Variants in CADM2 observed in about 807,000 individuals in gnomAD.
CADM2 encodes the protein immunoglobulin superfamily member 4D.
Under a neutral mutation model 49.8 loss-of-function variants are expected in CADM2, and 12 were observed. The ratio of observed to expected loss-of-function variants is 0.24; its 90% CI spans 0.15 to 0.39. The LOEUF (loss-of-function observed/expected upper bound fraction) is 0.39, where lower values mean the gene tolerates loss of function less well. Ranked by LOEUF, CADM2 falls within the 10% of genes least tolerant of loss-of-function variation. The probability of loss-of-function intolerance (pLI) is 1.00; values close to 1 mark genes in which losing one functional copy is unlikely to be tolerated. For synonymous variants in CADM2, 214 were observed against 175.4 expected, an observed-to-expected ratio of 1.22 and a Z score of -1.74; for missense variants, 378 against 492.3, an observed-to-expected ratio of 0.77 and a Z score of 2.20.
At chr3:85,177,018 G>T (rs1489280067) in intron 1 of CADM2, among the ~76,000 whole-genome samples, 1 of 152,122 alleles carries the variant, frequency 6.6e-6, no homozygotes, top group African/African-American at 2.4e-5. Flanking sequence ...TACATCGTCA[G>T]GATGTTATGA....
Position 85,444,896 on chromosome 3 carries a change from C to A in CADM2, c.62-281626C>A, listed in dbSNP as rs1307299487. Among the ~76,000 whole-genome samples, 3 of 152,158 alleles carry A rather than the reference C, an allele frequency of 2.0e-5. No individual in the cohort carries two copies. In the South Asian group the frequency reaches 6.2e-4, roughly 32 times the overall value. On this transcript the variant is annotated intron_variant, in intron 1 of 9. Transcript: ENST00000383699. ...GTCCAGTGGGAGTTGCAGTCTAGCA[C>A]AGAAAATATTCTCATCATATTCTTC...
intron 1 of CADM2, among the ~76,000 whole-genome samples, chr3:85,098,403 T>G (rs1206579406): frequency 2.6e-5 from 4 of 152,240 alleles, no homozygotes; most frequent in Middle Eastern, 3.4e-3. Flanking sequence ...AATTTACCAC[T>G]TACCAAATTG....
chr3:85,860,663 G>A (rs1026151708), intron 3 of CADM2, among the ~76,000 whole-genome samples: 2 of 152,088 alleles, frequency 1.3e-5, no homozygotes, highest in East Asian at 1.9e-4. Context: ...GTCTATTAGG[G>A]CATGAATTCC....
intron 1 of CADM2, among the ~76,000 whole-genome samples, chr3:85,193,376 T>G (rs2041259138): frequency 6.6e-6 from 1 of 152,142 alleles, no homozygotes; most frequent in Admixed American, 6.6e-5. Flanking sequence ...CTTAAAAAAT[T>G]TAGCAGATCT....
intron 8 of CADM2, among the ~76,000 whole-genome samples, chr3:85,965,516 C>T (rs1356774678): frequency 1.3e-5 from 2 of 151,290 alleles, no homozygotes; most frequent in Non-Finnish European, 3.0e-5. Context: ...ACAGTTATTG[C>T]TCATAATCTT....
intron 1 of CADM2, among the ~76,000 whole-genome samples, chr3:85,045,736 T>C (rs894346482): frequency 6.6e-6 from 1 of 152,096 alleles, no homozygotes; most frequent in African/African-American, 2.4e-5. Context: ...CAAGAATATG[T>C]TGACAAATAT....
intron 8 of CADM2, among the ~76,000 whole-genome samples, chr3:86,018,534 C>A (rs555495620): frequency 3.9e-5 from 6 of 152,272 alleles, no homozygotes; most frequent in South Asian, 2.1e-4. Flanking sequence ...TCCTCTCTAG[C>A]ACCTGTTGTT....
Position 85,283,889 on chromosome 3 carries a change from C to T in CADM2, c.61+324221C>T, listed in dbSNP as rs576788274. ...TTATAACTTAGAGTTTCAAGAAGGA[C>T]ATATCTAAGCCTCTGAATGAGTTGA... On this transcript the variant is annotated intron_variant, in intron 1 of 9. Transcript: ENST00000383699. 1.2e-4 allele frequency among the ~76,000 whole-genome samples: 18 copies of T among 152,186 alleles called. No individual in the cohort carries two copies. In the East Asian group the frequency reaches 2.9e-3, roughly 25 times the overall value.
intron 1 of CADM2, among the ~76,000 whole-genome samples, chr3:85,336,712 A>C (rs530751675): frequency 2.8e-3 from 420 of 150,552 alleles, no homozygotes; most frequent in South Asian, 6.7e-3. Flanking sequence ...GTCAATATAA[A>C]ATTTTTCATG....
At chr3:84,976,362 G>A (rs1306009045) in intron 1 of CADM2, among the ~76,000 whole-genome samples, 2 of 151,558 alleles carry the variant, frequency 1.3e-5, no homozygotes, top group Middle Eastern at 3.4e-3. Flanking sequence ...AGTTAAATAA[G>A]ACTATCAGAC....
chr3:85,028,342 G>C (rs1233612758), intron 1 of CADM2, among the ~76,000 whole-genome samples: 1 of 152,136 alleles, frequency 6.6e-6, no homozygotes, highest in Non-Finnish European at 1.5e-5. Flanking sequence ...TTCTCAACAT[G>C]TGGAGGGATC....
At chr3:84,976,009 G>T (rs1474163214) in intron 1 of CADM2, among the ~76,000 whole-genome samples, 1 of 151,780 alleles carries the variant, frequency 6.6e-6, no homozygotes, top group Non-Finnish European at 1.5e-5. Flanking sequence ...GTTTTCCTAA[G>T]GAGAATTGGG....
chr3:85,389,313 G>A (rs2034403492), intron 1 of CADM2, among the ~76,000 whole-genome samples: 1 of 152,110 alleles, frequency 6.6e-6, no homozygotes, highest in South Asian at 2.1e-4. Flanking sequence ...AGTGTAACAA[G>A]TAGTATGGAA....
chr3:85,857,816 A>AT (rs2075374120), intron 3 of CADM2, among the ~76,000 whole-genome samples: 1 of 152,178 alleles, frequency 6.6e-6, no homozygotes, highest in Non-Finnish European at 1.5e-5. Flanking sequence ...ATTGAATTGA[A>AT]TTTTTACCAC....
Position 85,393,973 on chromosome 3 carries a change from A to AT in CADM2, c.62-332543dup, listed in dbSNP as rs550881398. 7.2e-3 allele frequency among the ~76,000 whole-genome samples: 1,097 copies of AT among 151,986 alleles called. 15 individuals are homozygous for AT. The highest frequency in any genetic ancestry group is 0.043 in the South Asian group (206 of 4,818). ...AGGCGCCCGTCACCACGCCTCGCTA[A>AT]TTTTTTGTATTTTTAGTAGAGACGG... is the stretch of plus-strand genomic sequence containing the variant. On this transcript the variant is annotated intron_variant, in intron 1 of 9. Coordinates refer to ENST00000383699, the MANE Select transcript of CADM2 (RefSeq NM_001167675.2).
intron 1 of CADM2, among the ~76,000 whole-genome samples, chr3:85,504,941 G>A (rs1184949635): frequency 6.6e-6 from 1 of 152,078 alleles, no homozygotes; most frequent in Non-Finnish European, 1.5e-5. Context: ...TCATTGCCCG[G>A]GGCCGGCAGG....
chr3:85,193,275 C>G (rs958085292), intron 1 of CADM2, among the ~76,000 whole-genome samples: 1 of 151,920 alleles, frequency 6.6e-6, no homozygotes, highest in Admixed American at 6.6e-5. Context: ...AGATCATTTT[C>G]TCTGGTCTTT....
At chr3:85,643,896 T>G (rs1363128694) in intron 1 of CADM2, among the ~76,000 whole-genome samples, 4 of 152,174 alleles carry the variant, frequency 2.6e-5, no homozygotes, top group Non-Finnish European at 5.9e-5. Context: ...ATACATTTTT[T>G]AGGCTCCATT....
chr3:85,652,496 A>G (rs1267097264), intron 1 of CADM2, among the ~76,000 whole-genome samples: 2 of 152,172 alleles, frequency 1.3e-5, no homozygotes, highest in African/African-American at 4.8e-5. Context: ...TGACTTGGAA[A>G]CAATCTGCTT....
Sources: gnomAD v4.1 joint callset for allele counts (sites outside exome capture counted in the v4.1 genomes callset) on GRCh38, gnomAD v4.1.1 for gene constraint, MANE v1.5 for transcripts, NCBI Gene and HGNC (gene_info 2026-07-23, HGNC 2026-07-21) for gene names.